Variants in MAP3K20 observed in about 807,000 individuals in gnomAD.
MAP3K20 encodes the protein HCCS-4.
Under a neutral mutation model 85.7 loss-of-function variants are expected in MAP3K20, and 40 were observed. The observed-to-expected ratio is 0.47, with a 90% CI of 0.36 to 0.61. The LOEUF (loss-of-function observed/expected upper bound fraction) is 0.61, where lower values mean the gene tolerates loss of function less well. Among genes scored for constraint, MAP3K20 ranks in the 20% least tolerant of loss-of-function variants. MAP3K20 has a pLI of 0.00. For synonymous variants in MAP3K20, 325 were observed against 327.7 expected (o/e 0.99, Z 0.09); for missense variants, 817 against 961.7 (o/e 0.85, Z 1.99).
chr2:173,262,443 T>C (rs1247203436), intron 18 of MAP3K20, among the ~76,000 whole-genome samples: 1 of 151,878 alleles, frequency 6.6e-6, no homozygotes, highest in African/African-American at 2.4e-5. Flanking sequence ...CTACTAATAA[T>C]ACAAAAATTA....
chr2:173,228,922 G>GT (rs1269735425), intron 11 of MAP3K20, among the ~76,000 whole-genome samples: 1 of 152,210 alleles, frequency 6.6e-6, no homozygotes, highest in Non-Finnish European at 1.5e-5. Flanking sequence ...AGTTAGGCTA[G>GT]TTAAAGCTAA....
intron 7 of MAP3K20, among the ~76,000 whole-genome samples, chr2:173,191,474 A>G (rs1253858726): frequency 6.6e-6 from 1 of 152,204 alleles, no homozygotes; most frequent in Non-Finnish European, 1.5e-5. Context: ...GATTTTTTGC[A>G]GGGTGGTAAT....
chr2:173,076,142 C>G (rs893445673), intron 1 of MAP3K20, 140 bp downstream of exon 1: 1 of 561,656 alleles, frequency 1.8e-6, no homozygotes, highest in Non-Finnish European at 2.3e-6. Flanking sequence ...CTCCTCGGGG[C>G]TCCCCTCCCC....
chr2:173,161,697 A>C (rs1689662646), intron 2 of MAP3K20, among the ~76,000 whole-genome samples: 1 of 152,230 alleles, frequency 6.6e-6, no homozygotes, highest in Non-Finnish European at 1.5e-5. Context: ...GCTGAACCAC[A>C]TGCATACCGA....
chr2:173,199,518 T>C (rs903513042), intron 8 of MAP3K20, among the ~76,000 whole-genome samples: 7 of 152,340 alleles, frequency 4.6e-5, no homozygotes, highest in Admixed American at 3.9e-4. Context: ...GTATTTCTTT[T>C]GCCAGTAAGA....
intron 2 of MAP3K20, among the ~76,000 whole-genome samples, chr2:173,097,578 C>G (rs78428140): frequency 0.02 from 3,054 of 152,138 alleles, 55 homozygotes; most frequent in Admixed American, 0.041. Flanking sequence ...TATATAAGGC[C>G]TTTTCTTCAT....
At position 173,266,302 on chromosome 2, in the gene MAP3K20, T is replaced by C. The variant is rs1011100424; in HGVS notation, c.1955T>C (p.Leu652Pro). ...ACCAAAAACTTCTCTTCCCTACATC[T>C]CAACTCTAGGGACAGTGGCTTTTCC... is the stretch of plus-strand genomic sequence containing the variant. ...GLTKNFSSLH[L>P]NSRDSGFSSG... Residue 652 changes from leucine (L) to proline (P), a missense_variant, in exon 20 of 20, where the codon CTC (leucine) becomes CCC (proline). Around this residue, in one of 4 missense-constraint regions of MAP3K20, gnomAD observed 454 missense variants for 476.9 expected, o/e 0.95. Transcript: ENST00000375213. 1 of 1,613,902 alleles carries C rather than the reference T, an allele frequency of 6.2e-7. No individual in the cohort carries two copies. The highest frequency in any genetic ancestry group is 1.3e-5 in the African/African-American group (1 of 74,836).
intron 11 of MAP3K20, among the ~76,000 whole-genome samples, chr2:173,217,985 A>G (rs773433261): frequency 7.9e-5 from 12 of 152,156 alleles, no homozygotes; most frequent in African/African-American, 1.2e-4. Flanking sequence ...ATGGCATAAC[A>G]TTTTCAGGAA....
intron 3 of MAP3K20, among the ~76,000 whole-genome samples, chr2:173,181,224 A>G (rs1574084291): frequency 6.6e-6 from 1 of 152,306 alleles, no homozygotes; most frequent in Middle Eastern, 3.4e-3. Context: ...AATCAAAAAA[A>G]CAGACAATAC....
At chr2:173,166,941 C>T (rs1476396426) in intron 2 of MAP3K20, 3 of 121,450 alleles carry the variant, frequency 2.5e-5, no homozygotes, top group Non-Finnish European at 4.8e-5. Flanking sequence ...GAGACGGAGT[C>T]TCGCTCTTTC....
At chr2:173,205,315 AC>A (rs1023099693) in intron 9 of MAP3K20, among the ~76,000 whole-genome samples, 27 of 152,128 alleles carry the variant, frequency 1.8e-4, no homozygotes, top group African/African-American at 6.3e-4. Context: ...CTGAATGTAA[AC>A]CCTGTTCCAA....
At chr2:173,135,514 G>A (rs1688775591) in intron 2 of MAP3K20, among the ~76,000 whole-genome samples, 2 of 152,178 alleles carry the variant, frequency 1.3e-5, no homozygotes, top group African/African-American at 4.8e-5. Context: ...CTTATTATGA[G>A]TTAAAATGTG....
At chr2:173,225,146 C>T in intron 11 of MAP3K20, 5 of 984,788 alleles carry the variant, frequency 5.1e-6, no homozygotes, top group Non-Finnish European at 6.0e-6. Context: ...CCTAGTCATT[C>T]TCAACTGGGG....
intron 1 of MAP3K20, among the ~76,000 whole-genome samples, chr2:173,084,197 C>T (rs546899211): frequency 6.6e-6 from 1 of 152,276 alleles, no homozygotes; most frequent in East Asian, 1.9e-4. Flanking sequence ...GTGTGAGCCA[C>T]TGTGCCCGGC....
chr2:173,135,230 T>A (rs1213184607), intron 2 of MAP3K20, among the ~76,000 whole-genome samples: 1 of 152,226 alleles, frequency 6.6e-6, no homozygotes, highest in African/African-American at 2.4e-5. Flanking sequence ...CATTTAATTC[T>A]TGTAGAGTTA....
chr2:173,155,137 G>A (rs1201506669), intron 2 of MAP3K20, among the ~76,000 whole-genome samples: 1 of 152,154 alleles, frequency 6.6e-6, no homozygotes, highest in Non-Finnish European at 1.5e-5. Context: ...AAAATCTGGG[G>A]AAGGGGAGGG....
intron 5 of MAP3K20, among the ~76,000 whole-genome samples, chr2:173,190,274 A>G (rs1318872195): frequency 6.6e-6 from 1 of 152,108 alleles, no homozygotes; most frequent in African/African-American, 2.4e-5. Context: ...TTGGCTCTAT[A>G]GTATTGTTTC....
In MAP3K20 at chr2:173,263,800, G is replaced by A. The variant is rs368727251; in HGVS notation, c.1607G>A (p.Arg536Lys). ...TKHVHSIQWS[R>K]TKPQDEVKAV... ...CATGTCCATTCGATTCAGTGGAGTA[G>A]AACAAAACCTCAGGATGAAGTGAAA... The change falls in exon 19 of 20, where the codon AGA becomes AAA. Residue 536 changes from arginine to lysine, a missense_variant. Physicochemically the swap from Arg to Lys is conservative, Grantham distance 26 (BLOSUM62 2). Coordinates refer to ENST00000375213, the MANE Select transcript of MAP3K20 (RefSeq NM_016653.3). 1.9e-5 allele frequency: 30 copies of A among 1,613,476 alleles called. No homozygotes were observed. The Middle Eastern group carries it at 9.9e-4, about 53-fold the overall frequency.
intron 16 of MAP3K20, among the ~76,000 whole-genome samples, chr2:173,253,463 C>A (rs769382005): frequency 6.6e-6 from 1 of 152,118 alleles, no homozygotes; most frequent in Non-Finnish European, 1.5e-5. Flanking sequence ...AAACTTTAAA[C>A]TTGTGATCTT....
Sources: allele counts gnomAD v4.1 joint callset (sites outside exome capture counted in the v4.1 genomes callset), GRCh38; gene constraint gnomAD v4.1.1; regional missense constraint gnomAD v4.1.1; transcripts MANE v1.5; gene names NCBI Gene and HGNC (gene_info 2026-07-23, HGNC 2026-07-21).